MBNL2: variants seen among roughly 807,000 people sequenced by gnomAD.
MBNL2 encodes the protein muscleblind like splicing regulator 2.
MBNL2 carries 17 observed loss-of-function variants against 41.9 expected under a neutral mutation model. The ratio of observed to expected loss-of-function variants is 0.41; its 90% CI spans 0.28 to 0.61. The LOEUF is 0.61. Among genes scored for constraint, MBNL2 ranks in the 20% least tolerant of loss-of-function variants. The pLI, the probability that MBNL2 is intolerant of heterozygous loss-of-function variation, is 0.35. For synonymous variants in MBNL2, 195 were observed against 182.9 expected, an observed-to-expected ratio of 1.07 and a Z score of -0.53; for missense variants, 336 against 505.6, an observed-to-expected ratio of 0.66 and a Z score of 3.22.
At chr13:97,204,937 G>A in the MBNL2 span, among the ~76,000 whole-genome samples, 2 of 151,976 alleles carry the variant, frequency 1.3e-5, no homozygotes, top group Non-Finnish European at 2.9e-5. Flanking sequence ...CACTTTGGGA[G>A]GCTGAGACAG....
chr13:97,280,568 G>A (rs1257994097), intron 2 of MBNL2, among the ~76,000 whole-genome samples: 1 of 152,170 alleles, frequency 6.6e-6, no homozygotes, highest in Non-Finnish European at 1.5e-5. Flanking sequence ...TCACTGCTCT[G>A]TTCAGGATCT....
intron 1 of MBNL2, among the ~76,000 whole-genome samples, chr13:97,235,210 CTG>C (rs1243647624): frequency 5.3e-5 from 8 of 151,680 alleles, no homozygotes; most frequent in Admixed American, 3.3e-4. Context: ...ATCACAAACT[CTG>C]TCTTTTTTTT....
intron 2 of MBNL2, among the ~76,000 whole-genome samples, chr13:97,287,160 C>T (rs1594153656): frequency 6.6e-6 from 1 of 152,152 alleles, no homozygotes; most frequent in Non-Finnish European, 1.5e-5. Flanking sequence ...AAAGGTGTGG[C>T]AGGCTCACTC....
the MBNL2 span, among the ~76,000 whole-genome samples, chr13:97,162,996 A>T: frequency 6.6e-6 from 1 of 152,130 alleles, no homozygotes; most frequent in Non-Finnish European, 1.5e-5. Flanking sequence ...ATCAACACTG[A>T]GATGCTCGAG....
chr13:97,150,887 T>C, the MBNL2 span, among the ~76,000 whole-genome samples: 1 of 152,154 alleles, frequency 6.6e-6, no homozygotes, highest in Non-Finnish European at 1.5e-5. Flanking sequence ...GTCAGAGTAT[T>C]TCTGAACTAT....
chr13:97,266,463 C>G (rs576356303), intron 1 of MBNL2, among the ~76,000 whole-genome samples: 1 of 152,346 alleles, frequency 6.6e-6, no homozygotes, highest in East Asian at 1.9e-4. Context: ...TTAGGAGCCT[C>G]TTCTCCGAGG....
chr13:97,177,898 G>T, the MBNL2 span, among the ~76,000 whole-genome samples: 1 of 152,160 alleles, frequency 6.6e-6, no homozygotes, highest in Admixed American at 6.5e-5. Context: ...GGTAGAAAAT[G>T]ATTTTCCACC....
the MBNL2 span, among the ~76,000 whole-genome samples, chr13:97,163,651 C>A: frequency 1.3e-5 from 2 of 152,156 alleles, no homozygotes; most frequent in Non-Finnish European, 2.9e-5. Context: ...GGGTGGCCAA[C>A]TTTATACAAA....
Position 97,366,716 on chromosome 13 carries a change from T to C in MBNL2, c.1048+1545T>C, listed in dbSNP as rs1308143432. 1.5e-6 allele frequency: 1 copy of C among 686,460 alleles called. No individual in the cohort carries two copies. Among genetic ancestry groups the C allele is most frequent in the Non-Finnish European group, 2.6e-6 (1 of 378,700 alleles). 42.5% of individuals were successfully genotyped at this position (686,460 alleles called of 1,614,324 possible). A position where few individuals can be genotyped will look rare whatever the true frequency, so the allele number is the denominator to read the frequency against. ...GCATTTACAGACAGGTTGCACTTATTTAGAGTTAACATTTACTGCAAATAA... is the reference window on the plus strand; with the variant it reads ...GCATTTACAGACAGGTTGCACTTATCTAGAGTTAACATTTACTGCAAATAA... On this transcript the variant is annotated intron_variant, in intron 8 of 8. Transcript: ENST00000679496. This position sits in a 1 kb window ranked among gnomAD's most constrained non-coding sequence, Gnocchi z 4.7.
chr13:97,261,862 G>C lies in MBNL2; in HGVS notation c.-604-13770G>C, dbSNP rs571240151. ...CCTGTGAGTGTGAAATGAGTGTCTC[G>C]TTTCCTCGCTGAGGCTGGGCCTCCA... On this transcript the variant is annotated intron_variant, in intron 1 of 8. Coordinates refer to ENST00000679496, the MANE Select transcript of MBNL2 (RefSeq NM_001382683.1). Among the ~76,000 whole-genome samples, 43 of 152,274 alleles carry C rather than the reference G, an allele frequency of 2.8e-4. No individual in the cohort carries two copies. In the South Asian group the frequency reaches 8.1e-3, roughly 29 times the overall value.
At chr13:97,254,983 C>A (rs1436221433) in intron 1 of MBNL2, among the ~76,000 whole-genome samples, 1 of 152,204 alleles carries the variant, frequency 6.6e-6, no homozygotes, top group Non-Finnish European at 1.5e-5. Context: ...TTATTTTCTT[C>A]TCCAACAAGG....
At chr13:97,204,366 T>C in the MBNL2 span, among the ~76,000 whole-genome samples, 4 of 152,326 alleles carry the variant, frequency 2.6e-5, no homozygotes, top group African/African-American at 9.6e-5. Context: ...TTATTAAATA[T>C]CTTAGAAAAA....
chr13:97,356,960 GA>G, intron 6 of MBNL2, 111 bp downstream of exon 6: 2 of 549,146 alleles, frequency 3.6e-6, no homozygotes, highest in Non-Finnish European at 2.8e-6. Context: ...TTAATTTATG[GA>G]AAAAATCCAA....
chr13:97,198,140 AC>A, the MBNL2 span, among the ~76,000 whole-genome samples: 3 of 152,116 alleles, frequency 2.0e-5, no homozygotes, highest in Non-Finnish European at 4.4e-5. Context: ...AAAGTAGTAG[AC>A]TGAGTAAAGC....
chr13:97,164,990 G>A, the MBNL2 span, among the ~76,000 whole-genome samples: 159 of 152,298 alleles, frequency 1.0e-3, 5 homozygotes, highest in South Asian at 0.014. Context: ...GATCACTTGC[G>A]GTCAGGAGTT....
chr13:97,383,813 C>A (rs951410033), intron 8 of MBNL2, among the ~76,000 whole-genome samples: 1 of 152,074 alleles, frequency 6.6e-6, no homozygotes, highest in South Asian at 2.1e-4. Flanking sequence ...GCCCAACCTC[C>A]GAACAATATT....
In MBNL2 at chr13:97,347,023, G is replaced by A. The variant is rs1320221064; in HGVS notation, c.760G>A (p.Ala254Thr). 1.1e-5 allele frequency: 17 copies of A among 1,612,262 alleles called. No individual in the cohort carries two copies. The highest frequency in any genetic ancestry group is 1.4e-5 in the Non-Finnish European group (17 of 1,179,158). The part of the protein sequence containing the change: ...IKAAQHQANQ[A>T]AVAAQAAAAA... ...AGCTGCGCAGCACCAAGCCAACCAAGCTGCGGTGGCCGCCCAGGCAGCCGC... is the reference window on the plus strand; with the variant it reads ...AGCTGCGCAGCACCAAGCCAACCAAACTGCGGTGGCCGCCCAGGCAGCCGC... Residue 254 changes from alanine (A) to threonine (T), a missense_variant, in exon 5 of 9, where the codon GCT (alanine) becomes ACT (threonine). Ala to Thr is a moderately conservative substitution (Grantham distance 58). Transcript: ENST00000679496.
chr13:97,179,014 A>T, the MBNL2 span, among the ~76,000 whole-genome samples: 2 of 152,210 alleles, frequency 1.3e-5, no homozygotes, highest in Non-Finnish European at 2.9e-5. Flanking sequence ...TCTTTGAACC[A>T]CTTGAATCAC....
intron 2 of MBNL2, among the ~76,000 whole-genome samples, chr13:97,327,560 T>TAAAAAAAAAAA (rs71922683): frequency 3.3e-5 from 3 of 90,740 alleles, no homozygotes; most frequent in African/African-American, 4.9e-5. Context: ...ACGTTATTTG[T>TAAAAAAAAAAA]AAAAAAAAAA....
Sources: gnomAD v4.1 joint callset for allele counts (sites outside exome capture counted in the v4.1 genomes callset) on GRCh38, gnomAD v4.1.1 for gene constraint, Gnocchi (gnomAD v3.1) non-coding constraint, MANE v1.5 for transcripts, NCBI Gene and HGNC (gene_info 2026-07-23, HGNC 2026-07-21) for gene names.